The following NAA25 variants were observed in gnomAD, a reference collection of about 807,000 sequenced individuals.
NAA25 encodes N-alpha-acetyltransferase 25, NatB auxiliary subunit.
Under a neutral mutation model 132.5 loss-of-function variants are expected in NAA25, and 30 were observed. The observed-to-expected ratio is 0.23, with a 90% confidence interval of 0.17 to 0.31. The LOEUF is 0.31. Ranked by LOEUF, NAA25 falls within the 10% of genes least tolerant of loss-of-function variation. The probability of loss-of-function intolerance (pLI) is 1.00; values close to 1 mark genes in which losing one functional copy is unlikely to be tolerated. For missense variants in NAA25, 771 were observed against 1,150.4 expected, an observed-to-expected ratio of 0.67 and a Z score of 4.77; for synonymous variants, 359 against 401.9, an observed-to-expected ratio of 0.89 and a Z score of 1.28.
chr12:112,069,422 G>C (rs530456015), intron 10 of NAA25, among the ~76,000 whole-genome samples: 6 of 152,280 alleles, frequency 3.9e-5, no homozygotes, highest in Non-Finnish European at 7.3e-5. Context: ...AGGATCGCTT[G>C]AACCGAGAAG....
chr12:112,030,960 A>T (rs201766707), intron 23 of NAA25, among the ~76,000 whole-genome samples: 1,553 of 140,414 alleles, frequency 0.011, 26 homozygotes, highest in African/African-American at 0.04. Flanking sequence ...TTTTTTTTTT[A>T]AAAGAGGCAG....
intron 2 of NAA25, among the ~76,000 whole-genome samples, chr12:112,092,247 GA>G (rs897574304): frequency 7.4e-6 from 1 of 135,566 alleles, no homozygotes; most frequent in Non-Finnish European, 1.6e-5. Context: ...TCTCAAAAAA[GA>G]AAAAAAAAAC....
chr12:112,036,481 A>G (rs1203934102), intron 22 of NAA25, among the ~76,000 whole-genome samples: 1 of 152,186 alleles, frequency 6.6e-6, no homozygotes, highest in Non-Finnish European at 1.5e-5. Flanking sequence ...CAAAAAGGGA[A>G]TGAGGGAAAG....
At chr12:112,036,877 G>T (rs907585478) in intron 22 of NAA25, among the ~76,000 whole-genome samples, 6 of 146,752 alleles carry the variant, frequency 4.1e-5, no homozygotes, top group Non-Finnish European at 9.0e-5. Context: ...CTGTGTGTGC[G>T]TGTGTGTGTG....
intron 7 of NAA25, among the ~76,000 whole-genome samples, 180 bp downstream of exon 7, chr12:112,078,008 T>G (rs2078918055): frequency 6.6e-6 from 1 of 152,094 alleles, no homozygotes; most frequent in African/African-American, 2.4e-5. Flanking sequence ...AATCTGTTAT[T>G]TTCAAGTAAA....
chr12:112,067,304 G>A (rs2078732927), intron 11 of NAA25, among the ~76,000 whole-genome samples: 1 of 152,174 alleles, frequency 6.6e-6, no homozygotes, highest in Admixed American at 6.6e-5. Flanking sequence ...AGATGAAAGA[G>A]CAAACTACAG....
intron 2 of NAA25, among the ~76,000 whole-genome samples, chr12:112,092,792 C>T (rs536650390): frequency 6.6e-6 from 1 of 152,128 alleles, no homozygotes; most frequent in African/African-American, 2.4e-5. Flanking sequence ...ATTCTGCTGC[C>T]TCAGCCTACT....
chr12:112,045,125 C>T (rs932947136), intron 17 of NAA25, among the ~76,000 whole-genome samples: 2 of 152,110 alleles, frequency 1.3e-5, no homozygotes, highest in Non-Finnish European at 2.9e-5. Flanking sequence ...ATAACCAATA[C>T]TCACAGTATT....
intron 1 of NAA25, among the ~76,000 whole-genome samples, chr12:112,102,646 C>A (rs2079309925): frequency 6.6e-6 from 1 of 151,980 alleles, no homozygotes. Context: ...CAGCTCACTG[C>A]AGCTTGAAGT....
chr12:112,029,573 C>T lies in NAA25; in HGVS notation c.2877G>A (p.Leu959=), dbSNP rs2078123312. The change falls in exon 24 of 24, where the codon CTG becomes CTA. Residue 959 remains leucine (L), a synonymous_variant. Coordinates refer to ENST00000261745, the MANE Select transcript of NAA25 (RefSeq NM_024953.4). ...YLHSLLEMGE[L]LKKRLETTKK... is the part of the protein sequence containing the mutation. ...TTGTGGTCTCAAGTCTTTTTTTCAGCAGCTCCCCCATTTCCAGAAGTGAGT... is the reference window on the plus strand; with the variant it reads ...TTGTGGTCTCAAGTCTTTTTTTCAGTAGCTCCCCCATTTCCAGAAGTGAGT... The T allele has an allele frequency of 6.2e-7, 1 of 1,613,932 alleles. No homozygotes were observed. The highest frequency in any genetic ancestry group is 1.3e-5 in the African/African-American group (1 of 74,986).
rs1593846149 is a variant in NAA25 at position 112,104,418 on chromosome 12, AAG to A, written c.58+4296_58+4297del. 2.0e-5 allele frequency among the ~76,000 whole-genome samples: 3 copies of A among 152,364 alleles called. No individual in the cohort carries two copies. The East Asian group carries it at 5.8e-4, about 29-fold the overall frequency. On this transcript the variant is annotated intron_variant, in intron 1 of 23. Coordinates refer to ENST00000261745, the MANE Select transcript of NAA25 (RefSeq NM_024953.4). ...TTAAAAACAAAAAAGAAAAAAAAGAAAGAAAAATAAATAAATAAAAGTATGGG... is the reference window on the plus strand; with the variant it reads ...TTAAAAACAAAAAAGAAAAAAAAGAAAAAAATAAATAAATAAAAGTATGGG...
intron 9 of NAA25, among the ~76,000 whole-genome samples, chr12:112,072,306 G>C (rs1349549342): frequency 6.6e-6 from 1 of 151,968 alleles, no homozygotes; most frequent in Non-Finnish European, 1.5e-5. Flanking sequence ...GCATAATTTT[G>C]TATATATGAA....
intron 3 of NAA25, among the ~76,000 whole-genome samples, chr12:112,088,684 G>A (rs1353341683): frequency 2.0e-5 from 3 of 150,252 alleles, no homozygotes; most frequent in African/African-American, 7.4e-5. Flanking sequence ...GCAATGGTGC[G>A]ATCTCGGCTC....
chr12:112,029,659 AAGG>A lies in NAA25; in HGVS notation c.2797-9_2797-7del, dbSNP rs771519501. The A allele has an allele frequency of 5.6e-6, 9 of 1,611,324 alleles. No individual in the cohort carries two copies. In the East Asian group the frequency reaches 1.3e-4, roughly 24 times the overall value. On this transcript the variant is annotated splice_polypyrimidine_tract_variant and splice_region_variant and intron_variant, in intron 23 of 23. Transcript: ENST00000261745. ...TTTGAAAATTTTCTCTCTTCCTATA[AAGG>A]AGGAGACAAGAATAATTAGTCTTGT...
chr12:112,106,647 T>C (rs567471375), intron 1 of NAA25, among the ~76,000 whole-genome samples: 1 of 152,250 alleles, frequency 6.6e-6, no homozygotes, highest in African/African-American at 2.4e-5. Flanking sequence ...AGGTAGTTTC[T>C]AGCACAGTGG....
chr12:112,072,059 A>G lies in NAA25; in HGVS notation c.872T>C (p.Leu291Ser). 1 of 1,611,768 alleles carries G rather than the reference A, an allele frequency of 6.2e-7. No individual in the cohort carries two copies. The highest frequency in any genetic ancestry group is 8.5e-7 in the Non-Finnish European group (1 of 1,178,948). ...TGCAGAATAATGTACTTCTCCTTCT[A>G]AAGAGCTGAGGAAAAGCACATGAAA... The part of the protein sequence containing the change: ...WSPPAEGEHS[L>S]EGEVHYSAEK... Residue 291 changes from leucine to serine, a missense_variant, in exon 10 of 24, where the codon TTA (leucine) becomes TCA (serine). Leu to Ser is a moderately radical substitution (Grantham distance 145). Coordinates refer to ENST00000261745, the MANE Select transcript of NAA25 (RefSeq NM_024953.4).
At chr12:112,108,391 C>T (rs1187376859) in intron 1 of NAA25, among the ~76,000 whole-genome samples, 2 of 152,210 alleles carry the variant, frequency 1.3e-5, no homozygotes. Context: ...GGGAGATCTC[C>T]GGTCTCCCTA....
chr12:112,048,353 G>A lies in NAA25; in HGVS notation c.1819C>T (p.Leu607Phe). 6.2e-7 allele frequency: 1 copy of A among 1,614,050 alleles called. No homozygotes were observed. Among genetic ancestry groups the A allele is most frequent in the Non-Finnish European group, 8.5e-7 (1 of 1,179,994 alleles). ...IAFRNRLNNS[L>F]HFAQVRTERM... ...TCAGTACGGACTTGTGCAAAATGAA[G>A]AGAATTATTCAGCCTGTTCCTAAAA... The change falls in exon 16 of 24, where the codon CTT (leucine) becomes TTT (phenylalanine). Residue 607 changes from leucine to phenylalanine, a missense_variant. By Grantham distance (22) the Leu-to-Phe change is conservative (BLOSUM62 0). Transcript: ENST00000261745.
intron 3 of NAA25, 145 bp from the exon 4 acceptor site, chr12:112,087,946 T>C: frequency 1.6e-6 from 1 of 620,316 alleles, no homozygotes; most frequent in Non-Finnish European, 2.8e-6. Context: ...CATTCATCTC[T>C]TGGTTAGGTG....
Sources: gnomAD v4.1 joint callset for allele counts (sites outside exome capture counted in the v4.1 genomes callset) on GRCh38, gnomAD v4.1.1 for gene constraint, MANE v1.5 for transcripts, NCBI Gene and HGNC (gene_info 2026-07-23, HGNC 2026-07-21) for gene names.